SORCS3: variants seen among roughly 807,000 people sequenced by gnomAD.
The protein encoded by SORCS3 is VPS10 domain-containing receptor SorCS3.
In SORCS3, 57 loss-of-function variants were observed where a neutral mutation model predicts 146.3. The ratio of observed to expected loss-of-function variants is 0.39; its 90% confidence interval spans 0.31 to 0.49. The LOEUF (loss-of-function observed/expected upper bound fraction) is 0.49, where lower values mean the gene tolerates loss of function less well. Among genes scored for constraint, SORCS3 ranks in the 20% least tolerant of loss-of-function variants. The probability of loss-of-function intolerance (pLI) is 0.92; values close to 1 mark genes in which losing one functional copy is unlikely to be tolerated. For synonymous variants in SORCS3, 653 were observed against 618.5 expected (o/e 1.06, Z -0.83); for missense variants, 1,341 against 1,575.5 (o/e 0.85, Z 2.52).
intron 14 of SORCS3, among the ~76,000 whole-genome samples, chr10:105,190,970 C>T (rs1447188755): frequency 6.6e-6 from 1 of 152,128 alleles, no homozygotes; most frequent in African/African-American, 2.4e-5. Flanking sequence ...TCATTTTGCA[C>T]ATGAGGAAAG....
intron 4 of SORCS3, among the ~76,000 whole-genome samples, chr10:105,025,763 C>T (rs1244400652): frequency 6.6e-6 from 1 of 151,648 alleles, no homozygotes; most frequent in Non-Finnish European, 1.5e-5. Flanking sequence ...CTTAGCAGAG[C>T]ACACACAATA....
chr10:104,696,604 T>A (rs1459761163), intron 1 of SORCS3, among the ~76,000 whole-genome samples: 4 of 95,866 alleles, frequency 4.2e-5, no homozygotes, highest in African/African-American at 8.9e-5. Flanking sequence ...ACGTATATAT[T>A]ATATATAATA....
intron 1 of SORCS3, among the ~76,000 whole-genome samples, chr10:104,716,125 G>T (rs1194647294): frequency 6.6e-6 from 1 of 152,082 alleles, no homozygotes; most frequent in Non-Finnish European, 1.5e-5. Context: ...GTACCCTGCT[G>T]CATTTCCCAG....
chr10:104,918,385 C>T (rs2019054206), intron 3 of SORCS3, among the ~76,000 whole-genome samples: 1 of 152,132 alleles, frequency 6.6e-6, no homozygotes, highest in Non-Finnish European at 1.5e-5. Flanking sequence ...GATTGTCAGG[C>T]CAGATGTATT....
At chr10:105,185,507 G>A (rs1271589230) in intron 14 of SORCS3, among the ~76,000 whole-genome samples, 1 of 152,048 alleles carries the variant, frequency 6.6e-6, no homozygotes, top group East Asian at 1.9e-4. Context: ...CGTTGAAGTT[G>A]CCCTCCTGCT....
intron 3 of SORCS3, among the ~76,000 whole-genome samples, chr10:104,924,572 G>C (rs1245385659): frequency 6.6e-6 from 1 of 152,192 alleles, no homozygotes; most frequent in East Asian, 1.9e-4. Context: ...TGCCCAGAAT[G>C]GTTGAGCAGC....
chr10:104,859,387 C>T (rs1253142483), intron 2 of SORCS3, among the ~76,000 whole-genome samples: 1 of 152,118 alleles, frequency 6.6e-6, no homozygotes, highest in African/African-American at 2.4e-5. Context: ...GAAACTGGAT[C>T]CCTTGCTTAC....
At chr10:104,861,000 A>C (rs2491381) in intron 2 of SORCS3, among the ~76,000 whole-genome samples, 114,092 of 152,054 alleles carry the variant, frequency 0.75, 43,783 homozygotes, top group African/African-American at 0.91. Context: ...GAGTAGGGTG[A>C]CCTTCCTCCT....
intron 3 of SORCS3, among the ~76,000 whole-genome samples, chr10:104,959,736 T>C (rs942435907): frequency 6.6e-6 from 1 of 152,196 alleles, no homozygotes; most frequent in Non-Finnish European, 1.5e-5. Context: ...GAATTAACTC[T>C]GCCTGTGGGT....
chr10:105,197,237 T>C (rs767951511), intron 14 of SORCS3, among the ~76,000 whole-genome samples: 1 of 152,220 alleles, frequency 6.6e-6, no homozygotes, highest in Non-Finnish European at 1.5e-5. Context: ...CAGGTTACCA[T>C]TCAATGCAGT....
chr10:104,725,083 T>A (rs1181602835), intron 1 of SORCS3, among the ~76,000 whole-genome samples: 1 of 152,224 alleles, frequency 6.6e-6, no homozygotes, highest in Non-Finnish European at 1.5e-5. Flanking sequence ...TTTTCTGCTC[T>A]GTTTTTTCCC....
At position 105,104,620 on chromosome 10, in the gene SORCS3, T is replaced by C. The variant is rs534478944; in HGVS notation, c.1094-777T>C. On this transcript the variant is annotated intron_variant, in intron 6 of 26. Transcript: ENST00000369701. ...TCTTGTTGTAAAAATAATAAAAATG[T>C]ATCTAATGTAAAAAGCAGAGGTCTC... 2.0e-5 allele frequency among the ~76,000 whole-genome samples: 3 copies of C among 152,350 alleles called. No homozygotes were observed. In the East Asian group the frequency reaches 5.8e-4, roughly 29 times the overall value.
intron 14 of SORCS3, among the ~76,000 whole-genome samples, chr10:105,190,651 C>T (rs1217507635): frequency 6.6e-6 from 1 of 152,148 alleles, no homozygotes; most frequent in Non-Finnish European, 1.5e-5. Flanking sequence ...ATCTGCCCAC[C>T]TCGGCCTCCC....
At position 105,215,148 on chromosome 10, in the gene SORCS3, G is replaced by A. The variant is rs546954818; in HGVS notation, c.2547+535G>A. 2.0e-4 allele frequency among the ~76,000 whole-genome samples: 30 copies of A among 152,318 alleles called. No individual in the cohort carries two copies. The South Asian group carries it at 4.8e-3, about 24-fold the overall frequency. On this transcript the variant is annotated intron_variant, in intron 18 of 26. Coordinates refer to ENST00000369701, the MANE Select transcript of SORCS3 (RefSeq NM_014978.3). ...TTAGTTGCTTTTCTATCAGCTAGAT[G>A]CTGTATTCTTTCACTTTTTTAGTGT... is the stretch of plus-strand genomic sequence containing the variant.
At chr10:104,935,635 C>T (rs1197228769) in intron 3 of SORCS3, among the ~76,000 whole-genome samples, 3 of 150,750 alleles carry the variant, frequency 2.0e-5, no homozygotes, top group African/African-American at 7.3e-5. Context: ...TTGCAAGTCA[C>T]AAGAGGAAAG....
intron 9 of SORCS3, among the ~76,000 whole-genome samples, chr10:105,153,546 T>G (rs1340909501): frequency 6.6e-6 from 1 of 152,120 alleles, no homozygotes; most frequent in Non-Finnish European, 1.5e-5. Flanking sequence ...GATTTTGCAT[T>G]TCCACCAGCA....
At chr10:104,945,306 C>T (rs2019359004) in intron 3 of SORCS3, among the ~76,000 whole-genome samples, 1 of 151,956 alleles carries the variant, frequency 6.6e-6, no homozygotes, top group South Asian at 2.1e-4. Flanking sequence ...GGCTGGAGTG[C>T]AGTTGCATGA....
intron 2 of SORCS3, among the ~76,000 whole-genome samples, chr10:104,889,816 A>G (rs1051000174): frequency 1.3e-5 from 2 of 152,160 alleles, no homozygotes; most frequent in Non-Finnish European, 2.9e-5. Context: ...TTTTGCGTAG[A>G]TACATATTTC....
At chr10:105,040,177 C>A (rs565991069) in intron 4 of SORCS3, among the ~76,000 whole-genome samples, 1 of 152,216 alleles carries the variant, frequency 6.6e-6, no homozygotes, top group South Asian at 2.1e-4. Flanking sequence ...TTAGTCTTTG[C>A]AATAAAATAT....
Sources: gnomAD v4.1 joint callset for allele counts (sites outside exome capture counted in the v4.1 genomes callset) on GRCh38, gnomAD v4.1.1 for gene constraint, MANE v1.5 for transcripts, NCBI Gene and HGNC (gene_info 2026-07-23, HGNC 2026-07-21) for gene names.